GRAMD1A: variants seen among roughly 807,000 people sequenced by gnomAD.
GRAMD1A encodes the protein GRAM domain containing 1A, also known as protein Aster-A.
Under a neutral mutation model 92.0 loss-of-function variants are expected in GRAMD1A, and 50 were observed. The ratio of observed to expected loss-of-function variants is 0.54; its 90% CI spans 0.43 to 0.69. GRAMD1A has a LOEUF of 0.69. Among genes scored for constraint, GRAMD1A ranks in the 30% least tolerant of loss-of-function variants. The probability of loss-of-function intolerance (pLI) is 0.00; values close to 1 mark genes in which losing one functional copy is unlikely to be tolerated. For synonymous variants in GRAMD1A, 405 were observed against 403.6 expected, an observed-to-expected ratio of 1.00 and a Z score of -0.04; for missense variants, 819 against 978.9, an observed-to-expected ratio of 0.84 and a Z score of 2.18.
upstream of GRAMD1A, chr19:34,995,968 C>A (rs531204553): frequency 1.0e-5 from 15 of 1,435,300 alleles, no homozygotes; most frequent in African/African-American, 2.0e-4. Context: ...GAGCTCTATC[C>A]CTCATCTCTT....
rs755955235 is a variant in GRAMD1A, at chr19:35,013,661, T to C, written c.840T>C (p.Leu280=). ...GCCGTGGCCATGTCACGCCCAACCT[T>C]TCCCGAGCCAGCAGCGACGCAGACC... ...GSRRGHVTPN[L]SRASSDADHG... The change falls in exon 9 of 20, where the codon CTT becomes CTC. Residue 280 remains leucine, a synonymous_variant. Coordinates refer to ENST00000317991, the MANE Select transcript of GRAMD1A (RefSeq NM_020895.5). The surrounding 1 kb of genome is among the most constrained non-coding windows in gnomAD (Gnocchi z 4.9). 1.1e-5 allele frequency: 17 copies of C among 1,612,538 alleles called. No homozygotes were observed. The highest frequency in any genetic ancestry group is 2.2e-5 in the East Asian group (1 of 44,856).
intron 7 of GRAMD1A, 49 bp downstream of exon 7, chr19:35,011,603 C>T (rs1312623814): frequency 7.3e-7 from 1 of 1,372,230 alleles, no homozygotes; most frequent in East Asian, 2.3e-5. Flanking sequence ...CCAGGGGGAC[C>T]ATGGAGCCAG....
rs1235928030 is a variant in GRAMD1A at position 35,009,189 on chromosome 19, C to T, written c.79C>T (p.Pro27Ser). Residue 27 changes from proline to serine, a missense_variant, in exon 2 of 20, where the codon CCC (proline) becomes TCC (serine). Coordinates refer to ENST00000317991, the MANE Select transcript of GRAMD1A (RefSeq NM_020895.5). The part of the protein sequence containing the change: ...PSLRKRLQLL[P>S]PSRPPPEPEP... ...GCTCCGGAAACGGCTGCAGCTCCTG[C>T]CCCCAAGCCGGCCCCCACCTGAGCC... 8 of 1,613,784 alleles carry T rather than the reference C, an allele frequency of 5.0e-6. No homozygotes were observed. The highest frequency in any genetic ancestry group is 6.8e-6 in the Non-Finnish European group (8 of 1,179,676).
At chr19:35,022,577 A>G (rs1379962935) in intron 16 of GRAMD1A, among the ~76,000 whole-genome samples, 2 of 104,472 alleles carry the variant, frequency 1.9e-5, no homozygotes, top group Non-Finnish European at 4.1e-5. Context: ...GGCAGTCAGG[A>G]TGGGCGTCCT....
intron 13 of GRAMD1A, among the ~76,000 whole-genome samples, chr19:35,020,658 C>CAAAA (rs56181450): frequency 3.6e-5 from 4 of 112,300 alleles, no homozygotes; most frequent in East Asian, 3.0e-4. Flanking sequence ...GACCCTGTCT[C>CAAAA]AAAAAAAAAA....
Position 35,000,920 on chromosome 19 carries a change from C to T in GRAMD1A, c.8+434C>T, listed in dbSNP as rs2014319025. ...ACAGGCCGCGGAGCCCTGGGCGCGC[C>T]GGGAGTAGGCAGCCCCCTCCTGCCT... On this transcript the variant is annotated intron_variant, in intron 1 of 19. Transcript: ENST00000317991. The surrounding 1 kb of genome is among the most constrained non-coding windows in gnomAD (Gnocchi z 4.9). Among the ~76,000 whole-genome samples the T allele has an allele frequency of 6.6e-6, 1 of 151,846 alleles. No homozygotes were observed. Among genetic ancestry groups the T allele is most frequent in the South Asian group, 2.1e-4 (1 of 4,800 alleles).
At chr19:35,005,847 A>C in intron 1 of GRAMD1A, 1 of 456,214 alleles carries the variant, frequency 2.2e-6, no homozygotes, top group Non-Finnish European at 4.4e-6. Context: ...GCATGAGCCA[A>C]AGTCCTGAAG....
upstream of GRAMD1A, chr19:34,996,068 C>T (rs1422048861): frequency 2.6e-6 from 4 of 1,535,864 alleles, no homozygotes; most frequent in Non-Finnish European, 2.6e-6. Context: ...CCTGTTGGCA[C>T]AGGGCAGTCC....
Position 35,013,485 on chromosome 19 carries a change from G to C in GRAMD1A, c.720-56G>C. The C allele has an allele frequency of 6.4e-7, 1 of 1,569,006 alleles. No individual in the cohort carries two copies. Among genetic ancestry groups the C allele is most frequent in the Admixed American group, 1.7e-5 (1 of 58,684 alleles). ...GTTGTATGACGTCTGGAGGATTCAG[G>C]AGGGTGTATGGGGTCTCAAGGACAC... On this transcript the variant is annotated intron_variant, in intron 8 of 19. Coordinates refer to ENST00000317991, the MANE Select transcript of GRAMD1A (RefSeq NM_020895.5). The surrounding 1 kb of genome is among the most constrained non-coding windows in gnomAD (Gnocchi z 4.9).
At chr19:35,001,634 G>A (rs1452762567) in intron 1 of GRAMD1A, among the ~76,000 whole-genome samples, 2 of 151,320 alleles carry the variant, frequency 1.3e-5, no homozygotes, top group South Asian at 2.1e-4. Context: ...TTGAAATAGA[G>A]TCTGGCTCTG....
chr19:35,001,212 C>G (rs950131990), intron 1 of GRAMD1A: 1 of 152,322 alleles, frequency 6.6e-6, no homozygotes, highest in Non-Finnish European at 1.5e-5. Context: ...TGTAACTTAA[C>G]CACTAATTCT....
At chr19:35,022,662 T>G (rs79781252) in intron 16 of GRAMD1A, among the ~76,000 whole-genome samples, 1 of 104,976 alleles carries the variant, frequency 9.5e-6, no homozygotes, top group Non-Finnish European at 2.0e-5. Flanking sequence ...CCTGCAGGAG[T>G]TGGCGGGCAG....
chr19:34,996,220 C>A, upstream of GRAMD1A: 1 of 1,535,538 alleles, frequency 6.5e-7, no homozygotes, highest in Non-Finnish European at 8.7e-7. Context: ...GGGAGTCCCC[C>A]GCCTGCACCC....
upstream of GRAMD1A, chr19:34,996,309 G>A: frequency 1.3e-6 from 2 of 1,488,662 alleles, no homozygotes; most frequent in Non-Finnish European, 1.8e-6. Flanking sequence ...CTGGGCAGTG[G>A]GACAGGAAAG....
rs199949479 is a variant in GRAMD1A at position 35,013,669 on chromosome 19, C to T, written c.848C>T (p.Ala283Val). The change falls in exon 9 of 20, where the codon GCC becomes GTC. Residue 283 changes from alanine to valine, a missense_variant. Coordinates refer to ENST00000317991, the MANE Select transcript of GRAMD1A (RefSeq NM_020895.5). The surrounding 1 kb of genome is among the most constrained non-coding windows in gnomAD (Gnocchi z 4.9). ...CATGTCACGCCCAACCTTTCCCGAGCCAGCAGCGACGCAGACCATGGGGTG... is the reference window on the plus strand; with the variant it reads ...CATGTCACGCCCAACCTTTCCCGAGTCAGCAGCGACGCAGACCATGGGGTG... ...RGHVTPNLSR[A>V]SSDADHGAEE... is the part of the protein sequence containing the mutation. 5.3e-5 allele frequency: 85 copies of T among 1,611,674 alleles called. No homozygotes were observed. The African/African-American group carries it at 9.7e-4, about 18-fold the overall frequency.
rs1424671280 is a variant in GRAMD1A at position 35,022,151 on chromosome 19, T to C, written c.1841+113T>C. 1.3e-5 allele frequency: 9 copies of C among 703,182 alleles called. No homozygotes were observed. The Admixed American group carries it at 1.9e-4, about 15-fold the overall frequency. 43.6% of individuals were successfully genotyped at this position (703,182 alleles called of 1,614,324 possible). A position where few individuals can be genotyped will look rare whatever the true frequency, so the allele number is the denominator to read the frequency against. On this transcript the variant is annotated intron_variant, in intron 16 of 19. Coordinates refer to ENST00000317991, the MANE Select transcript of GRAMD1A (RefSeq NM_020895.5). Reference sequence around the variant, plus strand: ...CTCTCTGCTTAAGTGGGAGCGTGGGTTTGCTCACAGCAAGGATTAGACAAG... The same window carrying C: ...CTCTCTGCTTAAGTGGGAGCGTGGGCTTGCTCACAGCAAGGATTAGACAAG...
chr19:35,023,141 A>G, intron 17 of GRAMD1A, 95 bp from the exon 18 acceptor site: 3 of 912,962 alleles, frequency 3.3e-6, no homozygotes, highest in South Asian at 1.4e-5. Flanking sequence ...CTCCTCTGCA[A>G]TGGGGGATAG....
chr19:35,023,297 A>T lies in GRAMD1A; in HGVS notation c.1915A>T (p.Thr639Ser). 1 of 1,614,114 alleles carries T rather than the reference A, an allele frequency of 6.2e-7. No individual in the cohort carries two copies. Among genetic ancestry groups the T allele is most frequent in the Non-Finnish European group, 8.5e-7 (1 of 1,179,988 alleles). ...CTACCGCCTCTGGTCCCTGGAAAGG[A>T]CAGCCCACACCTTTGAGTCCTGGCA... Reference protein sequence around the residue: ...LFYRLWSLERTAHTFESWHSL... With the variant: ...LFYRLWSLERSAHTFESWHSL... Residue 639 changes from threonine to serine, a missense_variant, in exon 18 of 20, where the codon ACA becomes TCA. By Grantham distance (58) the Thr-to-Ser change is moderately conservative. Coordinates refer to ENST00000317991, the MANE Select transcript of GRAMD1A (RefSeq NM_020895.5).
chr19:34,996,076 T>C (rs2014023822), upstream of GRAMD1A: 3 of 1,535,744 alleles, frequency 2.0e-6, no homozygotes, highest in Non-Finnish European at 1.7e-6. Context: ...CACAGGGCAG[T>C]CCCCAGGGCT....
Sources: allele counts gnomAD v4.1 joint callset (sites outside exome capture counted in the v4.1 genomes callset), GRCh38; gene constraint gnomAD v4.1.1; non-coding constraint Gnocchi (gnomAD v3.1); transcripts MANE v1.5; gene names NCBI Gene and HGNC (gene_info 2026-07-23, HGNC 2026-07-21).